Variants in RIMS2 observed in about 807,000 individuals in gnomAD.
The protein encoded by RIMS2 is regulating synaptic membrane exocytosis protein 2.
Under a neutral mutation model 174.4 loss-of-function variants are expected in RIMS2, and 59 were observed. The ratio of observed to expected loss-of-function variants is 0.34; its 90% CI spans 0.27 to 0.42. The LOEUF (loss-of-function observed/expected upper bound fraction) is 0.42. Among genes scored for constraint, RIMS2 ranks in the 10% least tolerant of loss-of-function variants. RIMS2 has a pLI of 1.00. For missense variants in RIMS2, 1,620 were observed against 1,666.3 expected, an observed-to-expected ratio of 0.97 and a Z score of 0.48; for synonymous variants, 606 against 572.5, an observed-to-expected ratio of 1.06 and a Z score of -0.84.
intron 2 of RIMS2, among the ~76,000 whole-genome samples, chr8:103,751,507 C>T (rs1389824969): frequency 1.3e-5 from 2 of 151,666 alleles, no homozygotes; most frequent in Non-Finnish European, 2.9e-5. Context: ...TTCTAGATCC[C>T]TGAGGAATCA....
chr8:103,751,095 T>A (rs568426847), intron 2 of RIMS2, among the ~76,000 whole-genome samples: 2 of 152,164 alleles, frequency 1.3e-5, no homozygotes, highest in Non-Finnish European at 2.9e-5. Flanking sequence ...CCACCAGGAT[T>A]GTGAGGCCTC....
intron 19 of RIMS2, among the ~76,000 whole-genome samples, chr8:104,238,658 T>C (rs1438392554): frequency 6.6e-6 from 1 of 152,090 alleles, no homozygotes; most frequent in Admixed American, 6.6e-5. Flanking sequence ...AAAGACAAAC[T>C]AGCCACTCAG....
At chr8:103,650,108 G>C (rs1172601723) in intron 1 of RIMS2, among the ~76,000 whole-genome samples, 1 of 151,968 alleles carries the variant, frequency 6.6e-6, no homozygotes, top group Non-Finnish European at 1.5e-5. Flanking sequence ...GGTTTTTATG[G>C]GGTCTTTTTT....
chr8:104,009,870 G>A (rs1293156329), intron 17 of RIMS2, among the ~76,000 whole-genome samples: 1 of 152,024 alleles, frequency 6.6e-6, no homozygotes, highest in East Asian at 1.9e-4. Flanking sequence ...ACATATTGGG[G>A]AAATTTTCAT....
exon 4 of RIMS2, chr8:103,886,010 C>A (rs566248680): frequency 1.2e-6 from 2 of 1,612,824 alleles, no homozygotes; most frequent in South Asian, 2.2e-5. Context: ...AAAAACAAAA[C>A]GGGAAAAAAT....
At position 103,685,104 on chromosome 8, in the gene RIMS2, CT is replaced by C. The variant is rs58008098; in HGVS notation, c.177-11970del. On this transcript the variant is annotated intron_variant, in intron 1 of 23. Transcript: ENST00000504942. ...TTTTTTACACATGGATTTTCTTTTT[CT>C]TTTTTTTTTTTGGATTTTCAATTAC... Among the ~76,000 whole-genome samples the C allele has an allele frequency of 2.8e-3, 394 of 138,886 alleles. 2 individuals are homozygous for C. Among genetic ancestry groups the C allele is most frequent in the South Asian group, 6.4e-3 (28 of 4,366 alleles). The allele number at this position is 138,886 out of a possible 152,430, so 91.1% of individuals were successfully genotyped here. A position where few individuals can be genotyped will look rare whatever the true frequency, so the allele number is the denominator to read the frequency against.
At chr8:103,655,317 A>C (rs934577141) in intron 1 of RIMS2, among the ~76,000 whole-genome samples, 3 of 152,022 alleles carry the variant, frequency 2.0e-5, no homozygotes, top group Admixed American at 1.3e-4. Flanking sequence ...TGCAAAGAGA[A>C]TATCACATAA....
intron 13 of RIMS2, among the ~76,000 whole-genome samples, chr8:103,938,944 C>A (rs2081935911): frequency 6.6e-6 from 1 of 152,206 alleles, no homozygotes; most frequent in South Asian, 2.1e-4. Context: ...TTCCCATGGT[C>A]TTGGGCAGCT....
intron 3 of RIMS2, among the ~76,000 whole-genome samples, chr8:103,851,696 C>A (rs2098999445): frequency 6.9e-6 from 1 of 144,108 alleles, no homozygotes; most frequent in African/African-American, 2.6e-5. Context: ...CACACACAGG[C>A]AACTCAAAAG....
chr8:104,004,078 A>G (rs944855633), intron 17 of RIMS2, among the ~76,000 whole-genome samples: 1 of 152,176 alleles, frequency 6.6e-6, no homozygotes, highest in Non-Finnish European at 1.5e-5. Flanking sequence ...TAGGGGAGGA[A>G]TCAGTTTAGG....
intron 19 of RIMS2, among the ~76,000 whole-genome samples, chr8:104,175,572 C>A (rs79346125): frequency 6.6e-6 from 1 of 152,038 alleles, no homozygotes; most frequent in African/African-American, 2.4e-5. Context: ...TTAACTGTCC[C>A]CACTTCCCTT....
At chr8:104,216,756 T>TA (rs1165529190) in intron 19 of RIMS2, among the ~76,000 whole-genome samples, 1 of 152,236 alleles carries the variant, frequency 6.6e-6, no homozygotes, top group Non-Finnish European at 1.5e-5. Context: ...ACTATTCCAC[T>TA]ACAGCGTGAG....
chr8:104,000,704 A>C (rs530132917), intron 17 of RIMS2, among the ~76,000 whole-genome samples: 1 of 151,914 alleles, frequency 6.6e-6, no homozygotes, highest in African/African-American at 2.4e-5. Context: ...CTTTCTCTTC[A>C]TTCTCTCCAG....
chr8:103,580,354 C>T (rs995794440), intron 1 of RIMS2, among the ~76,000 whole-genome samples: 5 of 151,438 alleles, frequency 3.3e-5, no homozygotes, highest in Non-Finnish European at 7.4e-5. Flanking sequence ...TATTTCATTG[C>T]AATTAGAAAC....
intron 1 of RIMS2, among the ~76,000 whole-genome samples, chr8:103,641,929 C>G (rs1169005920): frequency 2.0e-5 from 3 of 152,020 alleles, no homozygotes; most frequent in African/African-American, 4.8e-5. Context: ...TATAAATTAC[C>G]CAGCCTAATG....
chr8:104,028,830 G>A (rs2096314637), intron 19 of RIMS2, among the ~76,000 whole-genome samples: 1 of 152,204 alleles, frequency 6.6e-6, no homozygotes, highest in Non-Finnish European at 1.5e-5. Context: ...TCCAAGAGAG[G>A]ATTCTCGTAT....
At chr8:103,691,377 C>T (rs1199878528) in intron 1 of RIMS2, among the ~76,000 whole-genome samples, 1 of 152,030 alleles carries the variant, frequency 6.6e-6, no homozygotes, top group Non-Finnish European at 1.5e-5. Flanking sequence ...GTTTCTTGTT[C>T]TTTTTTTCCT....
intron 19 of RIMS2, among the ~76,000 whole-genome samples, chr8:104,115,195 G>A (rs1165693623): frequency 3.9e-5 from 6 of 152,064 alleles, no homozygotes; most frequent in Admixed American, 2.0e-4. Context: ...GCTGCCTTTC[G>A]CTTTTTTAAA....
At chr8:104,092,529 A>G (rs2097679762) in intron 19 of RIMS2, among the ~76,000 whole-genome samples, 1 of 151,910 alleles carries the variant, frequency 6.6e-6, no homozygotes, top group African/African-American at 2.4e-5. Flanking sequence ...AATACAGGCT[A>G]CATTTACTTA....
Sources: allele counts gnomAD v4.1 joint callset (sites outside exome capture counted in the v4.1 genomes callset), GRCh38; gene constraint gnomAD v4.1.1; transcripts MANE v1.5; gene names NCBI Gene and HGNC (gene_info 2026-07-23, HGNC 2026-07-21).